The following NEMF variants were observed in gnomAD, a reference collection of about 807,000 sequenced individuals.
NEMF encodes the protein ribosome quality control complex subunit NEMF.
NEMF carries 89 observed loss-of-function variants against 162.2 expected under a neutral mutation model. That is an observed-to-expected ratio of 0.55 (90% CI 0.46 to 0.65). The LOEUF (loss-of-function observed/expected upper bound fraction) is 0.65. Ranked by LOEUF, NEMF falls within the 30% of genes least tolerant of loss-of-function variation. The probability of loss-of-function intolerance (pLI) is 0.00; values close to 1 mark genes in which losing one functional copy is unlikely to be tolerated. For synonymous variants in NEMF, 421 were observed against 404.5 expected (o/e 1.04, Z -0.49); for missense variants, 1,133 against 1,261.9 (o/e 0.90, Z 1.55).
In NEMF at chr14:49,784,154, T is replaced by TATCA. The variant is rs1173184866; in HGVS notation, c.*478_*481dup. ...TGTCCACAAATACTTTAGGAAATCC[T>TATCA]ATCATAGTGTTTCCTCTATATAAAA... On this transcript the variant is annotated 3_prime_UTR_variant, in exon 33 of 33. Transcript: ENST00000298310. 7.2e-5 allele frequency: 11 copies of TATCA among 152,448 alleles called. No individual in the cohort carries two copies. The highest frequency in any genetic ancestry group is 2.7e-4 in the African/African-American group (11 of 41,428). 9.4% of individuals were successfully genotyped at this position (152,448 alleles called of 1,614,324 possible).
At chr14:49,840,248 G>A (rs1893130119) in intron 5 of NEMF, among the ~76,000 whole-genome samples, 1 of 152,148 alleles carries the variant, frequency 6.6e-6, no homozygotes, top group African/African-American at 2.4e-5. Flanking sequence ...GATTGCCTGA[G>A]GTCAAGAGAT....
In NEMF at chr14:49,851,043, A is replaced by G. The variant is rs192816150; in HGVS notation, c.231+520T>C. ...ACATGGTGAAACCCCATCTCTACTAAAAATAGAGAAATTAGCCGGGTCTGG... is the reference window on the plus strand; with the variant it reads ...ACATGGTGAAACCCCATCTCTACTAGAAATAGAGAAATTAGCCGGGTCTGG... On this transcript the variant is annotated intron_variant, in intron 3 of 32. Transcript: ENST00000298310. Among the ~76,000 whole-genome samples the G allele has an allele frequency of 5.3e-4, 81 of 152,220 alleles. 1 individual carries two copies. The East Asian group carries it at 0.013, about 24-fold the overall frequency.
intron 4 of NEMF, among the ~76,000 whole-genome samples, chr14:49,842,945 G>T (rs1033658350): frequency 2.0e-5 from 3 of 151,746 alleles, no homozygotes; most frequent in Non-Finnish European, 2.9e-5. Context: ...GGCGGAGGTT[G>T]CAGTGAGCCA....
At chr14:49,847,961 G>A (rs1294442037) in intron 3 of NEMF, among the ~76,000 whole-genome samples, 2 of 151,586 alleles carry the variant, frequency 1.3e-5, no homozygotes. Context: ...GAACCCAAGA[G>A]GCGGAGGTTA....
At chr14:49,833,531 C>T (rs1310304561) in intron 7 of NEMF, 35 bp from the exon 8 acceptor site, 25 of 1,402,450 alleles carry the variant, frequency 1.8e-5, no homozygotes, top group Non-Finnish European at 2.4e-5. Context: ...AAAAGGAGTG[C>T]CAATCAAGTG....
intron 8 of NEMF, 109 bp downstream of exon 8, chr14:49,833,314 A>G (rs1416815134): frequency 5.1e-6 from 3 of 591,290 alleles, no homozygotes; most frequent in Non-Finnish European, 8.3e-6. Context: ...ACAGATAACA[A>G]TTTTCCAAAT....
intron 2 of NEMF, 42 bp downstream of exon 2, chr14:49,851,765 C>G (rs761113201): frequency 6.8e-7 from 1 of 1,462,372 alleles, no homozygotes; most frequent in South Asian, 1.2e-5. Flanking sequence ...TAATCTCATA[C>G]TTAATTGTCA....
At chr14:49,838,335 C>A in intron 5 of NEMF, 129 bp from the exon 6 acceptor site, 1 of 697,618 alleles carries the variant, frequency 1.4e-6, no homozygotes, top group Non-Finnish European at 2.4e-6. Flanking sequence ...AACAGGAATT[C>A]ATTCTTCTGT....
intron 22 of NEMF, among the ~76,000 whole-genome samples, chr14:49,801,743 ATATTT>A (rs905845176): frequency 3.3e-5 from 5 of 152,170 alleles, no homozygotes; most frequent in African/African-American, 1.2e-4. Flanking sequence ...CTTGAAACAA[ATATTT>A]TATTAAATCA....
rs139646410 is a variant in NEMF at position 49,843,048 on chromosome 14, G to A, written c.358-2182C>T. Reference sequence around the variant, plus strand: ...AAAAAAAAGAAAGAGTAAAAACTCAGGTTAGAGTAGAAAAGGACATTTACT... The same window carrying A: ...AAAAAAAAGAAAGAGTAAAAACTCAAGTTAGAGTAGAAAAGGACATTTACT... On this transcript the variant is annotated intron_variant, in intron 4 of 32. Coordinates refer to ENST00000298310, the MANE Select transcript of NEMF (RefSeq NM_004713.6). Among the ~76,000 whole-genome samples, 9 of 152,072 alleles carry A rather than the reference G, an allele frequency of 5.9e-5. No individual in the cohort carries two copies. The East Asian group carries it at 1.7e-3, about 29-fold the overall frequency.
chr14:49,790,642 C>A (rs1024145882), intron 26 of NEMF, among the ~76,000 whole-genome samples: 2 of 152,048 alleles, frequency 1.3e-5, no homozygotes, highest in African/African-American at 4.8e-5. Flanking sequence ...ATGCCACAAC[C>A]CAGAAAATTC....
At position 49,782,703 on chromosome 14, in the gene NEMF, T is replaced by C. The variant is rs149298304; in HGVS notation, c.*1933A>G. The C allele has an allele frequency of 3.8e-4, 515 of 1,372,966 alleles. 3 individuals carry two copies. The African/African-American group carries it at 6.8e-3, about 18-fold the overall frequency. 85.0% of individuals were successfully genotyped at this position (1,372,966 alleles called of 1,614,324 possible). A position where few individuals can be genotyped will look rare whatever the true frequency, so the allele number is the denominator to read the frequency against. On this transcript the variant is annotated 3_prime_UTR_variant, in exon 33 of 33. Coordinates refer to ENST00000298310, the MANE Select transcript of NEMF (RefSeq NM_004713.6). ...ATTATTTAAGGGCAATAAAACTTCA[T>C]TGCTATAACCAGTTCCTATGAAAAT...
chr14:49,825,790 T>C (rs757280998), intron 16 of NEMF, 77 bp downstream of exon 16: 3 of 978,992 alleles, frequency 3.1e-6, no homozygotes, highest in Non-Finnish European at 3.1e-6. Flanking sequence ...TGTAGAACTG[T>C]TTGACTTTTC....
intron 11 of NEMF, among the ~76,000 whole-genome samples, chr14:49,829,910 T>A (rs1764250362): frequency 6.6e-6 from 1 of 152,188 alleles, no homozygotes; most frequent in Admixed American, 6.5e-5. Flanking sequence ...TGGCAGGGAA[T>A]GAATTCCCAA....
At chr14:49,851,778 G>C in intron 2 of NEMF, 29 bp downstream of exon 2, 1 of 1,471,674 alleles carries the variant, frequency 6.8e-7, no homozygotes, top group East Asian at 2.3e-5. Context: ...AATTGTCAAA[G>C]AGAAAATAAG....
intron 25 of NEMF, among the ~76,000 whole-genome samples, chr14:49,798,832 G>A (rs1468531751): frequency 6.6e-6 from 1 of 152,070 alleles, no homozygotes; most frequent in African/African-American, 2.4e-5. Flanking sequence ...GCGTGAACCC[G>A]GGAGGTGGGG....
chr14:49,803,425 A>G (rs1239019818), intron 19 of NEMF, 131 bp from the exon 20 acceptor site: 1 of 553,960 alleles, frequency 1.8e-6, no homozygotes, highest in Non-Finnish European at 3.1e-6. Flanking sequence ...AATTTCGTAC[A>G]AATTCTCAAT....
intron 18 of NEMF, among the ~76,000 whole-genome samples, 194 bp from the exon 19 acceptor site, chr14:49,806,327 T>C (rs1891216897): frequency 2.2e-5 from 3 of 138,428 alleles, no homozygotes; most frequent in Non-Finnish European, 4.6e-5. Flanking sequence ...AATGGCGCAA[T>C]CTCAGCTCAC....
rs988471108 is a variant in NEMF at position 49,795,783 on chromosome 14, A to C, written c.2619+8T>G. On this transcript the variant is annotated splice_region_variant and intron_variant, in intron 26 of 32. Coordinates refer to ENST00000298310, the MANE Select transcript of NEMF (RefSeq NM_004713.6). ...ACTGTGAACCATATAGATCATCCTG[A>C]AGTTTACCTTTTGTCCTCGTTTCAT... 6.2e-7 allele frequency: 1 copy of C among 1,604,698 alleles called. No homozygotes were observed. The highest frequency in any genetic ancestry group is 8.5e-7 in the Non-Finnish European group (1 of 1,177,844).
Sources: allele counts gnomAD v4.1 joint callset (sites outside exome capture counted in the v4.1 genomes callset), GRCh38; gene constraint gnomAD v4.1.1; transcripts MANE v1.5; gene names NCBI Gene and HGNC (gene_info 2026-07-23, HGNC 2026-07-21).